The following SNX18 variants were observed in gnomAD, a reference collection of about 807,000 sequenced individuals.
The protein encoded by SNX18 is sorting nexin 18.
In SNX18, 35 loss-of-function variants were observed where a neutral mutation model predicts 48.7. The observed-to-expected ratio is 0.72, with a 90% confidence interval of 0.55 to 0.95. The LOEUF (loss-of-function observed/expected upper bound fraction) is 0.95. SNX18 is among the 40% of genes least tolerant of loss of function. SNX18 has a pLI of 0.00. For missense variants in SNX18, 824 were observed against 871.0 expected (o/e 0.95, Z 0.68); for synonymous variants, 492 against 384.7 (o/e 1.28, Z -3.26).
chr5:54,525,303 G>A (rs1478289540), intron 1 of SNX18, among the ~76,000 whole-genome samples: 1 of 151,952 alleles, frequency 6.6e-6, no homozygotes, highest in Non-Finnish European at 1.5e-5. Context: ...CTACTTGAGA[G>A]GCTGAGGGAG....
At chr5:54,529,996 C>G (rs1762223255) in intron 1 of SNX18, among the ~76,000 whole-genome samples, 1 of 152,140 alleles carries the variant, frequency 6.6e-6, no homozygotes, top group South Asian at 2.1e-4. Context: ...GACAGTGTGG[C>G]AGTGCCATGC....
At chr5:54,605,334 G>A in the SNX18 span, among the ~76,000 whole-genome samples, 3 of 152,058 alleles carry the variant, frequency 2.0e-5, no homozygotes, top group South Asian at 6.2e-4. Context: ...AGTAGTACCA[G>A]CAGAGACTCA....
the SNX18 span, among the ~76,000 whole-genome samples, chr5:54,558,973 A>G: frequency 6.6e-6 from 1 of 151,968 alleles, no homozygotes; most frequent in African/African-American, 2.4e-5. Flanking sequence ...CTGTATATTC[A>G]CAATTGCTAC....
chr5:54,646,382 CAG>C, the SNX18 span, among the ~76,000 whole-genome samples: 1 of 152,194 alleles, frequency 6.6e-6, no homozygotes, highest in East Asian at 1.9e-4. Flanking sequence ...GGAAGTGAAA[CAG>C]AAAGACTCAG....
chr5:54,645,303 T>C, the SNX18 span: 1 of 152,234 alleles, frequency 6.6e-6, no homozygotes, highest in Non-Finnish European at 1.5e-5. Context: ...AAGATATCCC[T>C]GCTCTAGACT....
chr5:54,576,901 C>A, the SNX18 span, among the ~76,000 whole-genome samples: 1 of 152,068 alleles, frequency 6.6e-6, no homozygotes, highest in Admixed American at 6.5e-5. Context: ...TCCCAGGTTC[C>A]AGTCATTCTC....
At chr5:54,638,390 T>TA in the SNX18 span, among the ~76,000 whole-genome samples, 39 of 152,342 alleles carry the variant, frequency 2.6e-4, no homozygotes, top group African/African-American at 9.4e-4. Context: ...TTTATAAACT[T>TA]AGAGAACCAT....
At chr5:54,572,502 T>C in the SNX18 span, among the ~76,000 whole-genome samples, 1 of 151,960 alleles carries the variant, frequency 6.6e-6, no homozygotes, top group African/African-American at 2.4e-5. Context: ...TCTCAAATTT[T>C]ATACCAAATT....
chr5:54,569,707 G>A, the SNX18 span, among the ~76,000 whole-genome samples: 11 of 152,180 alleles, frequency 7.2e-5, no homozygotes, highest in African/African-American at 2.7e-4. Flanking sequence ...GTGGCCTCAG[G>A]ACAGTTGGAC....
At chr5:54,612,514 C>T in the SNX18 span, among the ~76,000 whole-genome samples, 3 of 152,086 alleles carry the variant, frequency 2.0e-5, no homozygotes, top group Non-Finnish European at 4.4e-5. Context: ...CTGCCGGTCT[C>T]GGCCTCCCAA....
chr5:54,531,037 G>A (rs143417448), intron 1 of SNX18, among the ~76,000 whole-genome samples: 1 of 152,154 alleles, frequency 6.6e-6, no homozygotes, highest in East Asian at 1.9e-4. Flanking sequence ...ACAGGTGTGA[G>A]TCACCCTGCC....
the SNX18 span, among the ~76,000 whole-genome samples, chr5:54,573,240 G>A: frequency 3.9e-5 from 6 of 152,104 alleles, no homozygotes; most frequent in African/African-American, 1.2e-4. Flanking sequence ...TAGGGCAGAC[G>A]CGTTCCTCCT....
the SNX18 span, among the ~76,000 whole-genome samples, chr5:54,606,038 TAC>T: frequency 8.8e-4 from 134 of 152,308 alleles, no homozygotes; most frequent in Admixed American, 2.9e-3. Context: ...TGTGGTAAAA[TAC>T]ACACAGTATA....
the SNX18 span, among the ~76,000 whole-genome samples, chr5:54,562,720 C>T: frequency 1.1e-4 from 16 of 152,156 alleles, no homozygotes; most frequent in Admixed American, 9.2e-4. Context: ...CTGTACTATA[C>T]GTTTTATGGT....
At chr5:54,578,526 T>A in the SNX18 span, among the ~76,000 whole-genome samples, 1 of 152,104 alleles carries the variant, frequency 6.6e-6, no homozygotes, top group African/African-American at 2.4e-5. Context: ...GCAGGCACCA[T>A]CAGTTAATTA....
the SNX18 span, among the ~76,000 whole-genome samples, chr5:54,569,787 C>T: frequency 6.6e-6 from 1 of 152,048 alleles, no homozygotes; most frequent in African/African-American, 2.4e-5. Context: ...AGTTGGGTAG[C>T]CTTAGGCTTG....
the SNX18 span, among the ~76,000 whole-genome samples, chr5:54,611,917 C>T: frequency 6.6e-6 from 1 of 151,392 alleles, no homozygotes; most frequent in South Asian, 2.1e-4. Context: ...TTGTTCTGTA[C>T]TCCAGGCTGG....
In SNX18 at chr5:54,517,969, G is replaced by A; in HGVS notation, c.17G>A (p.Arg6Gln). The A allele has an allele frequency of 1.3e-6, 2 of 1,521,866 alleles. No homozygotes were observed. Among genetic ancestry groups the A allele is most frequent in the Non-Finnish European group, 8.8e-7 (1 of 1,137,394 alleles). The allele number at this position is 1,521,866 out of a possible 1,614,324, so 94.3% of individuals were successfully genotyped here. A position where few individuals can be genotyped will look rare whatever the true frequency, so the allele number is the denominator to read the frequency against. MALRA[R>Q]ALYDFRSENP... ...GCCGGGACCATGGCGCTGCGCGCCC[G>A]GGCGCTGTACGACTTCAGGTCGGAG... is the stretch of plus-strand genomic sequence containing the variant. Residue 6 changes from arginine to glutamine, a missense_variant, in exon 1 of 2, where the codon CGG (arginine) becomes CAG (glutamine). This residue lies in a region of SNX18 where 377 missense variants were observed against 350.6 expected (regional missense o/e 1.08). Transcript: ENST00000381410.
chr5:54,523,337 A>T (rs2548610), intron 1 of SNX18, among the ~76,000 whole-genome samples: 1 of 152,088 alleles, frequency 6.6e-6, no homozygotes, highest in East Asian at 1.9e-4. Context: ...AATCTCTAAT[A>T]TTTAATAAAG....
Sources: gnomAD v4.1 joint callset for allele counts (sites outside exome capture counted in the v4.1 genomes callset) on GRCh38, gnomAD v4.1.1 for gene constraint, gnomAD v4.1.1 regional missense constraint, MANE v1.5 for transcripts, NCBI Gene and HGNC (gene_info 2026-07-23, HGNC 2026-07-21) for gene names.